Variants in DPP10 observed in about 807,000 individuals in gnomAD.
DPP10 encodes the protein dipeptidyl peptidase like 10.
In DPP10, 33 loss-of-function variants were observed where a neutral mutation model predicts 120.9. The ratio of observed to expected loss-of-function variants is 0.27; its 90% CI spans 0.21 to 0.37. DPP10 has a LOEUF of 0.37. Among genes scored for constraint, DPP10 ranks in the 10% least tolerant of loss-of-function variants. The pLI is 1.00. For missense variants in DPP10, 816 were observed against 942.8 expected (o/e 0.87, Z 1.76); for synonymous variants, 337 against 326.1 (o/e 1.03, Z -0.36).
rs367601935 is a variant in DPP10, at chr2:115,576,631, C to T, written c.441+50659C>T. ...ATGTACAGATTGGAGGATTTGAAAA[C>T]GGTTGAGATGGAGAGGCTTTCCAGA... On this transcript the variant is annotated intron_variant, in intron 5 of 25. Coordinates refer to ENST00000410059, the MANE Select transcript of DPP10 (RefSeq NM_020868.6). Among the ~76,000 whole-genome samples, 10 of 152,230 alleles carry T rather than the reference C, an allele frequency of 6.6e-5. No homozygotes were observed. The South Asian group carries it at 1.2e-3, about 19-fold the overall frequency.
At chr2:114,819,716 A>T (rs971246983) in intron 1 of DPP10, among the ~76,000 whole-genome samples, 1 of 152,214 alleles carries the variant, frequency 6.6e-6, no homozygotes, top group African/African-American at 2.4e-5. Context: ...AACCCACAGC[A>T]TATTTGAAAG....
intron 4 of DPP10, among the ~76,000 whole-genome samples, chr2:115,520,418 G>T (rs2077736270): frequency 1.3e-5 from 2 of 152,142 alleles, no homozygotes; most frequent in African/African-American, 4.8e-5. Flanking sequence ...TAGGATCCAA[G>T]AAGACTTACA....
chr2:114,589,650 C>T (rs1691293284), intron 1 of DPP10, among the ~76,000 whole-genome samples: 1 of 152,110 alleles, frequency 6.6e-6, no homozygotes, highest in Admixed American at 6.5e-5. Flanking sequence ...ACTATACATA[C>T]CAAGATAATA....
intron 5 of DPP10, among the ~76,000 whole-genome samples, chr2:115,582,842 T>C (rs750931788): frequency 6.6e-6 from 1 of 152,216 alleles, no homozygotes; most frequent in Non-Finnish European, 1.5e-5. Flanking sequence ...ATATCACTTA[T>C]TCTCTTGAAT....
intron 5 of DPP10, among the ~76,000 whole-genome samples, chr2:115,531,188 C>T (rs2078444108): frequency 3.4e-5 from 5 of 147,594 alleles, no homozygotes; most frequent in African/African-American, 1.3e-4. Context: ...TCTCAATGTA[C>T]ATGCTCAGCA....
rs749995176 is a variant in DPP10, at chr2:114,986,201, TA to T, written c.61-323037del. ...ATTTACTTCTAATAATTGCCATATT[TA>T]TTTTTTTGCCTTCCTTTTATTTAGA... On this transcript the variant is annotated intron_variant, in intron 1 of 25. Transcript: ENST00000410059. 4.6e-5 allele frequency among the ~76,000 whole-genome samples: 7 copies of T among 152,368 alleles called. No individual in the cohort carries two copies. In the East Asian group the frequency reaches 1.2e-3, roughly 25 times the overall value.
chr2:115,131,631 C>T (rs1047746936), intron 1 of DPP10, among the ~76,000 whole-genome samples: 1 of 152,174 alleles, frequency 6.6e-6, no homozygotes, highest in African/African-American at 2.4e-5. Context: ...AACATGCTTT[C>T]AAATCCATCT....
intron 1 of DPP10, among the ~76,000 whole-genome samples, chr2:115,290,512 T>A (rs1250247260): frequency 6.6e-6 from 1 of 152,126 alleles, no homozygotes; most frequent in Non-Finnish European, 1.5e-5. Flanking sequence ...AACTTTCCTT[T>A]ATATTTGAAC....
chr2:115,222,301 G>A (rs980557584), intron 1 of DPP10, among the ~76,000 whole-genome samples: 41 of 152,140 alleles, frequency 2.7e-4, no homozygotes, highest in African/African-American at 9.7e-4. Flanking sequence ...GTTCAGCCAT[G>A]ACTTCTCATT....
intron 1 of DPP10, among the ~76,000 whole-genome samples, chr2:114,850,497 G>A (rs1363342113): frequency 1.3e-5 from 2 of 151,962 alleles, no homozygotes; most frequent in Non-Finnish European, 2.9e-5. Flanking sequence ...CAAATCATTT[G>A]TAAAATCATT....
At chr2:115,775,085 A>G (rs1681932692) in intron 13 of DPP10, among the ~76,000 whole-genome samples, 1 of 152,138 alleles carries the variant, frequency 6.6e-6, no homozygotes, top group Non-Finnish European at 1.5e-5. Flanking sequence ...AGAATACTAC[A>G]TATACGAAAA....
chr2:114,839,192 G>A (rs1477976084), intron 1 of DPP10, among the ~76,000 whole-genome samples: 1 of 152,086 alleles, frequency 6.6e-6, no homozygotes, highest in Non-Finnish European at 1.5e-5. Flanking sequence ...TTGCCACATG[G>A]GAATATCTAT....
intron 1 of DPP10, among the ~76,000 whole-genome samples, chr2:115,293,468 C>T (rs1003012046): frequency 1.3e-5 from 2 of 152,036 alleles, no homozygotes; most frequent in East Asian, 1.9e-4. Context: ...TTAACCGTGA[C>T]GTAGGCAGTG....
chr2:115,736,130 C>T (rs960550635), intron 8 of DPP10, among the ~76,000 whole-genome samples: 16 of 152,178 alleles, frequency 1.1e-4, no homozygotes, highest in African/African-American at 3.6e-4. Context: ...TACCCTCGTC[C>T]TTTAGGCAAT....
chr2:114,732,128 G>A (rs535521495), intron 1 of DPP10, among the ~76,000 whole-genome samples: 8 of 152,324 alleles, frequency 5.3e-5, no homozygotes, highest in African/African-American at 1.9e-4. Flanking sequence ...AAAAATGAAT[G>A]CCGAGGCAAC....
At chr2:115,498,213 C>T (rs576829755) in intron 3 of DPP10, among the ~76,000 whole-genome samples, 80 of 152,222 alleles carry the variant, frequency 5.3e-4, no homozygotes, top group African/African-American at 1.8e-3. Flanking sequence ...TTATTCTTGA[C>T]TCTAACAGGA....
chr2:115,603,295 A>G, intron 5 of DPP10, among the ~76,000 whole-genome samples: 1 of 151,418 alleles, frequency 6.6e-6, no homozygotes, highest in Non-Finnish European at 1.5e-5. Context: ...GGATCTGTGA[A>G]TTGTGACTTG....
intron 1 of DPP10, among the ~76,000 whole-genome samples, chr2:115,136,137 C>A (rs1195717123): frequency 6.7e-6 from 1 of 148,678 alleles, no homozygotes; most frequent in Non-Finnish European, 1.5e-5. Flanking sequence ...ACTTAGGGCA[C>A]AAAACAGCAG....
At chr2:115,479,534 A>G (rs530581134) in intron 3 of DPP10, among the ~76,000 whole-genome samples, 2 of 152,238 alleles carry the variant, frequency 1.3e-5, no homozygotes, top group Admixed American at 1.3e-4. Flanking sequence ...GCTCAGTTGA[A>G]AACTTAAAAT....
Sources: allele counts gnomAD v4.1 joint callset (sites outside exome capture counted in the v4.1 genomes callset), GRCh38; gene constraint gnomAD v4.1.1; transcripts MANE v1.5; gene names NCBI Gene and HGNC (gene_info 2026-07-23, HGNC 2026-07-21).